SV2C: variants seen among roughly 807,000 people sequenced by gnomAD.
The protein encoded by SV2C is solute carrier family 22 member B3.
Under a neutral mutation model 79.7 loss-of-function variants are expected in SV2C, and 49 were observed. That is an observed-to-expected ratio of 0.61 (90% CI 0.49 to 0.78). SV2C has a LOEUF of 0.78. Among genes scored for constraint, SV2C ranks in the 30% least tolerant of loss-of-function variants. The pLI is 0.00. For missense variants in SV2C, 833 were observed against 912.9 expected, an observed-to-expected ratio of 0.91 and a Z score of 1.13; for synonymous variants, 334 against 333.2, an observed-to-expected ratio of 1.00 and a Z score of -0.03.
At chr5:76,220,829 G>A (rs1745045979) in intron 4 of SV2C, among the ~76,000 whole-genome samples, 1 of 152,074 alleles carries the variant, frequency 6.6e-6, no homozygotes, top group African/African-American at 2.4e-5. Context: ...CAACTGTAGG[G>A]TTGGAATTCT....
At chr5:75,984,892 C>T in the SV2C span, among the ~76,000 whole-genome samples, 1 of 152,018 alleles carries the variant, frequency 6.6e-6, no homozygotes, top group Non-Finnish European at 1.5e-5. Context: ...ATCTCCTTTG[C>T]TTACACTGAC....
chr5:75,859,546 C>T, the SV2C span, among the ~76,000 whole-genome samples: 12 of 152,174 alleles, frequency 7.9e-5, no homozygotes, highest in Middle Eastern at 3.4e-3. Flanking sequence ...GTTTCTGGAG[C>T]GCCAGATGAG....
chr5:75,977,756 C>A, the SV2C span, among the ~76,000 whole-genome samples: 1 of 152,168 alleles, frequency 6.6e-6, no homozygotes, highest in Non-Finnish European at 1.5e-5. Flanking sequence ...GATGTACTGC[C>A]CTTGGTCTTA....
chr5:76,258,131 G>C (rs1287896506), intron 4 of SV2C, among the ~76,000 whole-genome samples: 3 of 148,460 alleles, frequency 2.0e-5, no homozygotes, highest in Non-Finnish European at 4.5e-5. Context: ...TGGTATATGG[G>C]GTGTGTGTGT....
intron 4 of SV2C, among the ~76,000 whole-genome samples, chr5:76,265,316 G>C (rs1230092293): frequency 1.3e-5 from 2 of 152,142 alleles, no homozygotes; most frequent in Non-Finnish European, 2.9e-5. Context: ...CCAAGCTCGA[G>C]TGTCCCAGGT....
At position 76,300,905 on chromosome 5, in the gene SV2C, G is replaced by C; in HGVS notation, c.1813G>C (p.Asp605His). ...PGNIVSALLM[D>H]RIGRLTMLGG... is the part of the protein sequence containing the mutation. ...GAACATTGTGTCTGCTCTGCTGATG[G>C]ACAGAATTGGGCGCTTAACAATGCT... is the stretch of plus-strand genomic sequence containing the variant. The change falls in exon 11 of 13, where the codon GAC (aspartate) becomes CAC (histidine). Residue 605 changes from aspartate (D) to histidine (H), a missense_variant. Coordinates refer to ENST00000502798, the MANE Select transcript of SV2C (RefSeq NM_014979.4). 6.2e-7 allele frequency: 1 copy of C among 1,614,102 alleles called. No individual in the cohort carries two copies. The highest frequency in any genetic ancestry group is 8.5e-7 in the Non-Finnish European group (1 of 1,179,980).
At chr5:76,055,240 A>G in the SV2C span, among the ~76,000 whole-genome samples, 1 of 152,170 alleles carries the variant, frequency 6.6e-6, no homozygotes, top group African/African-American at 2.4e-5. Flanking sequence ...TCCCAGCACC[A>G]TTTATTAAAT....
intron 2 of SV2C, among the ~76,000 whole-genome samples, chr5:76,174,726 C>T (rs1236236013): frequency 5.3e-5 from 8 of 152,220 alleles, no homozygotes; most frequent in South Asian, 2.1e-4. Context: ...AAGCATAGTT[C>T]GTGGACCCCT....
the SV2C span, among the ~76,000 whole-genome samples, chr5:75,875,143 A>T: frequency 3.3e-5 from 5 of 152,224 alleles, no homozygotes; most frequent in African/African-American, 9.6e-5. Context: ...CGCAAAAAGA[A>T]CATAGCTGGA....
the SV2C span, among the ~76,000 whole-genome samples, chr5:75,899,820 A>G: frequency 6.6e-6 from 1 of 151,926 alleles, no homozygotes; most frequent in Non-Finnish European, 1.5e-5. Context: ...TCAGTATGTA[A>G]TGGCCTTCTT....
At chr5:76,154,515 G>A (rs1742661818) in intron 2 of SV2C, among the ~76,000 whole-genome samples, 1 of 152,200 alleles carries the variant, frequency 6.6e-6, no homozygotes, top group African/African-American at 2.4e-5. Context: ...CTGTCTCAGA[G>A]CTCATCCTGA....
chr5:76,170,061 T>G (rs1561246719), intron 2 of SV2C, among the ~76,000 whole-genome samples: 1 of 152,168 alleles, frequency 6.6e-6, no homozygotes, highest in Non-Finnish European at 1.5e-5. Context: ...CCTATTTTAT[T>G]TTTTTATTTT....
At chr5:75,906,890 T>G in the SV2C span, among the ~76,000 whole-genome samples, 1 of 152,218 alleles carries the variant, frequency 6.6e-6, no homozygotes, top group Non-Finnish European at 1.5e-5. Context: ...GGCTTGTTAC[T>G]GGCATCTATT....
the SV2C span, among the ~76,000 whole-genome samples, chr5:76,028,268 G>A: frequency 6.6e-6 from 1 of 152,054 alleles, no homozygotes; most frequent in Non-Finnish European, 1.5e-5. Context: ...TATTTTGTCT[G>A]GATTTTTTGC....
intron 2 of SV2C, among the ~76,000 whole-genome samples, chr5:76,191,056 T>C (rs4704291): frequency 0.19 from 29,343 of 151,918 alleles, 3,837 homozygotes; most frequent in African/African-American, 0.37. Context: ...TTTAATTAGC[T>C]CACAGTTCTG....
At chr5:75,880,154 G>C in the SV2C span, among the ~76,000 whole-genome samples, 1 of 151,536 alleles carries the variant, frequency 6.6e-6, no homozygotes, top group African/African-American at 2.4e-5. Flanking sequence ...GGGAGGGGCT[G>C]CCTCAGAGAT....
At position 76,222,066 on chromosome 5, in the gene SV2C, A is replaced by T. The variant is rs985745045; in HGVS notation, c.913+12179A>T. Among the ~76,000 whole-genome samples, 5 of 152,200 alleles carry T rather than the reference A, an allele frequency of 3.3e-5. No homozygotes were observed. The South Asian group carries it at 8.3e-4, about 25-fold the overall frequency. On this transcript the variant is annotated intron_variant, in intron 4 of 12. Transcript: ENST00000502798. Reference sequence around the variant, plus strand: ...TACAGAGAAACAGCATCTCTCATGCATTGCTTGTGGAAATGAAAGATAGTT... The same window carrying T: ...TACAGAGAAACAGCATCTCTCATGCTTTGCTTGTGGAAATGAAAGATAGTT...
chr5:76,202,995 C>T (rs561212741), intron 3 of SV2C, among the ~76,000 whole-genome samples: 7 of 152,250 alleles, frequency 4.6e-5, no homozygotes, highest in South Asian at 2.1e-4. Flanking sequence ...AAATTACATA[C>T]GTGGCTCACA....
At chr5:75,871,286 C>T in the SV2C span, among the ~76,000 whole-genome samples, 11 of 152,140 alleles carry the variant, frequency 7.2e-5, no homozygotes, top group African/African-American at 2.7e-4. Context: ...TCATGCCCAA[C>T]AGTTAGGCAA....
Sources: gnomAD v4.1 joint callset for allele counts (sites outside exome capture counted in the v4.1 genomes callset) on GRCh38, gnomAD v4.1.1 for gene constraint, MANE v1.5 for transcripts, NCBI Gene and HGNC (gene_info 2026-07-23, HGNC 2026-07-21) for gene names.